The following PLGRKT variants were observed in gnomAD, a reference collection of about 807,000 sequenced individuals.
PLGRKT encodes plasminogen receptor with a C-terminal lysine, also known as plasminogen receptor (KT).
A neutral mutation model predicts 18.5 loss-of-function variants in PLGRKT; 22 were observed. The observed-to-expected ratio is 1.19, with a 90% CI of 0.85 to 1.70. The LOEUF (loss-of-function observed/expected upper bound fraction) is 1.70. Ranked by LOEUF, PLGRKT falls within the 40% of genes most tolerant of loss-of-function variation. The pLI, the probability that PLGRKT is intolerant of heterozygous loss-of-function variation, is 0.00. For missense variants in PLGRKT, 235 were observed against 174.4 expected (o/e 1.35, Z -1.96); for synonymous variants, 72 against 52.8 (o/e 1.36, Z -1.58).
At chr9:5,385,054 G>A (rs779593298) in intron 3 of PLGRKT, among the ~76,000 whole-genome samples, 5 of 152,122 alleles carry the variant, frequency 3.3e-5, no homozygotes, top group Non-Finnish European at 4.4e-5. Context: ...GTGGGGCCAG[G>A]GGAGGGCAGA....
At position 5,436,574 on chromosome 9, in the gene PLGRKT, T is replaced by C. The variant is rs1420532979; in HGVS notation, c.-12A>G. On this transcript the variant is annotated 5_prime_UTR_variant, in exon 2 of 6. Transcript: ENST00000223864. The stretch of plus-strand genomic sequence containing the variant: ...AAGTTAGTATTTAGATTTACCTCTT[T>C]CTGGGCCTTGCTCTCCTGGGTCTGG... The C allele has an allele frequency of 2.0e-5, 3 of 152,296 alleles. No homozygotes were observed. Among genetic ancestry groups the C allele is most frequent in the Non-Finnish European group, 2.9e-5 (2 of 68,084 alleles). 9.4% of individuals were successfully genotyped at this position (152,296 alleles called of 1,614,324 possible).
At chr9:5,399,894 G>C (rs139734838) in intron 3 of PLGRKT, among the ~76,000 whole-genome samples, 1 of 151,750 alleles carries the variant, frequency 6.6e-6, no homozygotes, top group Admixed American at 6.6e-5. Context: ...AGGAAGCTGA[G>C]GAAGGAGAAT....
intron 3 of PLGRKT, among the ~76,000 whole-genome samples, chr9:5,428,673 C>T (rs1033873032): frequency 1.2e-4 from 18 of 152,104 alleles, no homozygotes; most frequent in African/African-American, 4.3e-4. Context: ...CTATGTTAAA[C>T]TCTTTTGTCT....
At chr9:5,360,361 T>G (rs1317530306) in intron 5 of PLGRKT, among the ~76,000 whole-genome samples, 2 of 152,244 alleles carry the variant, frequency 1.3e-5, no homozygotes, top group African/African-American at 4.8e-5. Flanking sequence ...TATAGGCTTG[T>G]GGACTCATGT....
In PLGRKT at chr9:5,387,671, G is replaced by C. The variant is rs908143769; in HGVS notation, c.82-25783C>G. Among the ~76,000 whole-genome samples, 48 of 151,884 alleles carry C rather than the reference G, an allele frequency of 3.2e-4. 1 individual carries two copies. Among genetic ancestry groups the C allele is most frequent in the Admixed American group, 1.2e-3 (18 of 15,276 alleles). ...GAGAGGCGGGAGGAAGCCTCCTGCG[G>C]GGGGGCTGGGAATGATCTATCTTTT... is the stretch of plus-strand genomic sequence containing the variant. On this transcript the variant is annotated intron_variant, in intron 3 of 5. Transcript: ENST00000223864.
At chr9:5,436,825 G>A (rs74635614) in intron 1 of PLGRKT, 131 bp from the exon 2 acceptor site, 2 of 152,114 alleles carry the variant, frequency 1.3e-5, no homozygotes, top group African/African-American at 4.8e-5. Flanking sequence ...ATTCCGTAGG[G>A]TGTCCAGAAC....
intron 3 of PLGRKT, among the ~76,000 whole-genome samples, chr9:5,381,073 C>T (rs1440599424): frequency 6.6e-6 from 1 of 152,188 alleles, no homozygotes; most frequent in Non-Finnish European, 1.5e-5. Flanking sequence ...TTCCTGAGGC[C>T]TCCCCAGCCA....
intron 3 of PLGRKT, among the ~76,000 whole-genome samples, chr9:5,424,015 TTA>T (rs1015829704): frequency 9.4e-5 from 13 of 138,672 alleles, no homozygotes; most frequent in Admixed American, 5.2e-4. Context: ...ATTTCATCTA[TTA>T]TATATGACAT....
chr9:5,429,853 T>C (rs1462423311), intron 3 of PLGRKT, among the ~76,000 whole-genome samples: 4 of 152,178 alleles, frequency 2.6e-5, no homozygotes, highest in Non-Finnish European at 5.9e-5. Flanking sequence ...TGAGCTCTTG[T>C]TAAAAATGAA....
chr9:5,361,837 T>A lies in PLGRKT; in HGVS notation c.133A>T (p.Met45Leu). The A allele has an allele frequency of 6.2e-7, 1 of 1,613,270 alleles. No individual in the cohort carries two copies. The highest frequency in any genetic ancestry group is 2.2e-5 in the East Asian group (1 of 44,848). ...QSEMRERQMA[M>L]QIAWSREFLK... ...AATTCCCGAGACCACGCAATCTGCA[T>A]GGCCATTTGTCTTTCCCTCATTTCA... The change falls in exon 4 of 6, where the codon ATG becomes TTG. Residue 45 changes from methionine to leucine, a missense_variant. Transcript: ENST00000223864.
At chr9:5,413,480 A>G (rs571424095) in intron 3 of PLGRKT, among the ~76,000 whole-genome samples, 2 of 152,312 alleles carry the variant, frequency 1.3e-5, no homozygotes, top group East Asian at 1.9e-4. Context: ...TGTAATCACA[A>G]GGGTCCTAAA....
chr9:5,382,206 G>T (rs1171569522), intron 3 of PLGRKT, among the ~76,000 whole-genome samples: 4 of 152,208 alleles, frequency 2.6e-5, no homozygotes, highest in Admixed American at 2.6e-4. Context: ...GCTAAGGATG[G>T]AAGACAGCAC....
intron 4 of PLGRKT, among the ~76,000 whole-genome samples, 177 bp downstream of exon 4, chr9:5,361,581 T>A (rs1487397187): frequency 6.6e-6 from 1 of 152,242 alleles, no homozygotes; most frequent in African/African-American, 2.4e-5. Context: ...GAAACTAAAT[T>A]AACTGTTACT....
chr9:5,436,302 A>C (rs550873773), intron 2 of PLGRKT, among the ~76,000 whole-genome samples: 12 of 152,266 alleles, frequency 7.9e-5, no homozygotes, highest in Non-Finnish European at 1.2e-4. Flanking sequence ...AGATACAAGA[A>C]AAACTGTGGC....
intron 3 of PLGRKT, among the ~76,000 whole-genome samples, chr9:5,398,360 T>A (rs1818092608): frequency 6.6e-6 from 1 of 151,890 alleles, no homozygotes. Flanking sequence ...ACTTAATAGT[T>A]ACTGAACTAC....
intron 3 of PLGRKT, among the ~76,000 whole-genome samples, chr9:5,408,785 T>C (rs1384475326): frequency 6.6e-6 from 1 of 152,214 alleles, no homozygotes; most frequent in African/African-American, 2.4e-5. Flanking sequence ...ACAGAATGGT[T>C]TCCTGGGCCA....
intron 3 of PLGRKT, among the ~76,000 whole-genome samples, chr9:5,408,696 C>A (rs891978118): frequency 6.6e-6 from 1 of 152,240 alleles, no homozygotes; most frequent in Non-Finnish European, 1.5e-5. Context: ...ATAGTCAAGA[C>A]AATAAAGAAA....
At chr9:5,363,520 T>C (rs1226364449) in intron 3 of PLGRKT, among the ~76,000 whole-genome samples, 4 of 152,150 alleles carry the variant, frequency 2.6e-5, no homozygotes, top group Non-Finnish European at 5.9e-5. Flanking sequence ...TTCACACCCC[T>C]TGGCCGCTGA....
chr9:5,372,518 A>G (rs1238700506), intron 3 of PLGRKT, among the ~76,000 whole-genome samples: 1 of 152,136 alleles, frequency 6.6e-6, no homozygotes, highest in African/African-American at 2.4e-5. Flanking sequence ...TTTGCACTCT[A>G]CATTATCAGG....
Sources: gnomAD v4.1 joint callset for allele counts (sites outside exome capture counted in the v4.1 genomes callset) on GRCh38, gnomAD v4.1.1 for gene constraint, MANE v1.5 for transcripts, NCBI Gene and HGNC (gene_info 2026-07-23, HGNC 2026-07-21) for gene names.